Variants in FHL1 observed in about 807,000 individuals in gnomAD.
FHL1 encodes the protein four and a half LIM domains 1.
Under a neutral mutation model 20.3 loss-of-function variants are expected in FHL1, and 1 was observed. That is an observed-to-expected ratio of 0.05 (90% confidence interval 0.02 to 0.23). FHL1 has a LOEUF of 0.23. Ranked by LOEUF, FHL1 falls within the 10% of genes least tolerant of loss-of-function variation. FHL1 has a pLI of 1.00. For missense variants in FHL1, 177 were observed against 234.0 expected (o/e 0.76, Z 1.59); for synonymous variants, 82 against 88.9 (o/e 0.92, Z 0.44).
chrX:136,152,212 G>C (rs1360470496), intron 1 of FHL1, among the ~76,000 whole-genome samples: 2 of 111,798 alleles, frequency 1.8e-5, no homozygotes, highest in East Asian at 5.6e-4. Flanking sequence ...TGTCTAATTT[G>C]ATTCTCAGAG....
intron 1 of FHL1, among the ~76,000 whole-genome samples, chrX:136,150,200 C>G (rs897532970): frequency 8.9e-6 from 1 of 112,142 alleles, no homozygotes; most frequent in Non-Finnish European, 1.9e-5. Flanking sequence ...TTTGCTGATA[C>G]GCATTTGAAA....
rs374565759 is a variant in FHL1 at position 136,179,817 on chromosome X, C to T, written c.-27+9837C>T. Among the ~76,000 whole-genome samples, 21 of 111,192 alleles carry T rather than the reference C, an allele frequency of 1.9e-4. No individual in the cohort carries two copies. The East Asian group carries it at 3.7e-3, about 19-fold the overall frequency. On this transcript the variant is annotated intron_variant, in intron 2 of 6. Transcript: ENST00000394153. ...ACTGTAGCATGACATTATTTCTTCC[C>T]GGCCTGTTATCAGCAAGTTTTTCGA...
rs1298660498 is a variant in FHL1, at chrX:136,210,579, A to C, written c.*554A>C. On this transcript the variant is annotated 3_prime_UTR_variant, in exon 6 of 6. Coordinates refer to ENST00000370683, the MANE Select transcript of FHL1 (RefSeq NM_001159699.2). ...CAAATAACTAACACGAACTTCCAGAAAATTAACATTTGAACTTAGCTGTAA... is the reference window on the plus strand; with the variant it reads ...CAAATAACTAACACGAACTTCCAGACAATTAACATTTGAACTTAGCTGTAA... The C allele has an allele frequency of 1.3e-5, 5 of 389,429 alleles. No individual in the cohort carries two copies. The East Asian group carries it at 2.6e-4, about 21-fold the overall frequency. 32.1% of individuals were successfully genotyped at this position (389,429 alleles called of 1,213,427 possible).
intron 2 of FHL1, among the ~76,000 whole-genome samples, chrX:136,171,097 G>A (rs1005855149): frequency 2.7e-5 from 3 of 111,599 alleles, no homozygotes; most frequent in East Asian, 2.8e-4. Flanking sequence ...GTGGTAGTCG[G>A]AAGTCCTTCC....
intron 5 of FHL1, among the ~76,000 whole-genome samples, chrX:136,209,593 T>C: frequency 9.1e-6 from 1 of 110,355 alleles, no homozygotes; most frequent in Non-Finnish European, 1.9e-5. Context: ...GTGGGGTCTT[T>C]ACATCAGGGA....
At chrX:136,169,651 G>T (rs1249071076) in exon 1 of FHL1, 1 of 276,585 alleles carries the variant, frequency 3.6e-6, no homozygotes. Context: ...AATGCTGAGT[G>T]TTTGAGCTAA....
At chrX:136,174,072 A>G (rs906929987) in intron 2 of FHL1, among the ~76,000 whole-genome samples, 3 of 111,652 alleles carry the variant, frequency 2.7e-5, no homozygotes, top group African/African-American at 9.8e-5. Context: ...AATCTCCTTG[A>G]CACTAAGGAC....
At chrX:136,150,924 C>T (rs1279044031) in intron 1 of FHL1, among the ~76,000 whole-genome samples, 2 of 112,390 alleles carry the variant, frequency 1.8e-5, no homozygotes, top group South Asian at 3.7e-4. Context: ...TCCCTTCCTG[C>T]GACTTAATGC....
upstream of FHL1, among the ~76,000 whole-genome samples, chrX:136,168,618 T>A (rs1603249939): frequency 3.6e-5 from 4 of 111,573 alleles, no homozygotes; most frequent in Non-Finnish European, 7.5e-5. Context: ...TCCAGGCTTT[T>A]GGCCTGGCAA....
intron 2 of FHL1, among the ~76,000 whole-genome samples, chrX:136,178,043 C>T (rs1316063853): frequency 8.9e-6 from 1 of 111,870 alleles, no homozygotes; most frequent in Admixed American, 9.5e-5. Flanking sequence ...TTATTATGAT[C>T]AGTACAGTAA....
chrX:136,152,386 T>A (rs2148261413), intron 1 of FHL1, among the ~76,000 whole-genome samples: 1 of 111,910 alleles, frequency 8.9e-6, no homozygotes. Context: ...GGAAGTAAGT[T>A]GAGCCTCTTG....
intron 2 of FHL1, among the ~76,000 whole-genome samples, chrX:136,178,141 C>G (rs1052508895): frequency 9.0e-6 from 1 of 111,712 alleles, no homozygotes; most frequent in Non-Finnish European, 1.9e-5. Context: ...GCACTTTTAT[C>G]ATCATCATTA....
intron 2 of FHL1, among the ~76,000 whole-genome samples, chrX:136,176,611 T>C (rs1197798168): frequency 1.8e-5 from 2 of 111,671 alleles, no homozygotes. Context: ...TTCGTATTTC[T>C]GTTGGGCCTA....
intron 1 of FHL1, chrX:136,205,995 C>T (rs1055322796): frequency 8.2e-6 from 2 of 244,091 alleles, no homozygotes; most frequent in African/African-American, 5.6e-5. Flanking sequence ...CACACCCCTC[C>T]ACTCCATCGG....
chrX:136,171,154 G>A (rs1187228193), intron 2 of FHL1, among the ~76,000 whole-genome samples: 3 of 111,435 alleles, frequency 2.7e-5, no homozygotes, highest in Non-Finnish European at 5.7e-5. Flanking sequence ...GCTTTCAGCA[G>A]CTTCCCTCTG....
intron 1 of FHL1, among the ~76,000 whole-genome samples, chrX:136,153,070 C>A (rs977849491): frequency 8.9e-6 from 1 of 111,955 alleles, no homozygotes; most frequent in Admixed American, 9.5e-5. Context: ...TCTTTTTACA[C>A]AATTTAAACA....
chrX:136,186,863 AAAATAT>A (rs1217373506), intron 2 of FHL1, among the ~76,000 whole-genome samples: 15 of 9,299 alleles, frequency 1.6e-3, no homozygotes, highest in African/African-American at 2.1e-3. Context: ...CAAAAAAAAA[AAAATAT>A]ATATATATAT....
intron 2 of FHL1, among the ~76,000 whole-genome samples, chrX:136,186,206 T>C (rs1484835549): frequency 1.8e-5 from 2 of 111,465 alleles, no homozygotes; most frequent in African/African-American, 3.3e-5. Context: ...TTACTGTTTT[T>C]TAGTTCATTG....
In FHL1 at chrX:136,208,637, C is replaced by T; in HGVS notation, c.732C>T (p.Ile244=). The T allele has an allele frequency of 8.3e-7, 1 of 1,208,924 alleles. No individual in the cohort carries two copies. The highest frequency in any genetic ancestry group is 1.1e-6 in the Non-Finnish European group (1 of 893,465). ...AGTGTGCTGGATGCAAGAACCCCAT[C>T]ACTGGTAGGCTAAAGAGTCCTTGCT... The part of the protein sequence containing the change: ...AKKCAGCKNP[I]TGFGKGSSVV... Residue 244 remains isoleucine, a synonymous_variant, in exon 5 of 6, where the codon ATC becomes ATT. Transcript: ENST00000370683.
Sources: allele counts gnomAD v4.1 joint callset (sites outside exome capture counted in the v4.1 genomes callset), GRCh38; gene constraint gnomAD v4.1.1; transcripts MANE v1.5; gene names NCBI Gene and HGNC (gene_info 2026-07-23, HGNC 2026-07-21).